Variants in ADAMTS17 observed in about 807,000 individuals in gnomAD.
ADAMTS17 encodes the protein ADAM metallopeptidase with thrombospondin type 1 motif 17, also known as A disintegrin and metalloproteinase with thrombospondin motifs 17.
Under a neutral mutation model 141.5 loss-of-function variants are expected in ADAMTS17, and 113 were observed. That is an observed-to-expected ratio of 0.80 (90% CI 0.69 to 0.93). The LOEUF is 0.93. ADAMTS17 is among the 40% of genes least tolerant of loss of function. ADAMTS17 has a pLI of 0.00. For synonymous variants in ADAMTS17, 768 were observed against 630.6 expected, an observed-to-expected ratio of 1.22 and a Z score of -3.27; for missense variants, 1,659 against 1,517.9, an observed-to-expected ratio of 1.09 and a Z score of -1.54.
intron 18 of ADAMTS17, among the ~76,000 whole-genome samples, chr15:100,009,441 G>C (rs1405498575): frequency 2.6e-5 from 4 of 152,104 alleles, no homozygotes; most frequent in Admixed American, 6.5e-5. Context: ...TTCTCAGAAG[G>C]ACCTGGACAG....
At chr15:100,202,112 C>T (rs982507293) in intron 7 of ADAMTS17, among the ~76,000 whole-genome samples, 5 of 152,134 alleles carry the variant, frequency 3.3e-5, no homozygotes, top group Admixed American at 2.6e-4. Context: ...TGAGTGTGCC[C>T]ACCACGGGCT....
intron 8 of ADAMTS17, among the ~76,000 whole-genome samples, chr15:100,166,882 C>G (rs958760893): frequency 6.6e-6 from 1 of 152,230 alleles, no homozygotes; most frequent in Non-Finnish European, 1.5e-5. Flanking sequence ...AGGCCCATAG[C>G]AGTGAGTGAC....
At chr15:100,250,002 T>C (rs1186214895) in intron 7 of ADAMTS17, among the ~76,000 whole-genome samples, 1 of 152,158 alleles carries the variant, frequency 6.6e-6, no homozygotes, top group East Asian at 1.9e-4. Flanking sequence ...CACAGCTGTG[T>C]GGAAGTACTG....
chr15:100,093,616 C>T (rs528779174), intron 15 of ADAMTS17, among the ~76,000 whole-genome samples: 1 of 152,068 alleles, frequency 6.6e-6, no homozygotes. Context: ...TGTCCTCCCC[C>T]TACCCCCACT....
chr15:100,082,929 T>C (rs900307626), intron 15 of ADAMTS17, among the ~76,000 whole-genome samples: 2 of 152,146 alleles, frequency 1.3e-5, no homozygotes, highest in Admixed American at 6.5e-5. Context: ...TGTTGCTGTG[T>C]TGGCAACCAA....
At chr15:100,133,791 G>A (rs2038182318) in intron 10 of ADAMTS17, among the ~76,000 whole-genome samples, 1 of 152,218 alleles carries the variant, frequency 6.6e-6, no homozygotes, top group South Asian at 2.1e-4. Flanking sequence ...GTGAGGCCAA[G>A]AAATGACAGC....
intron 14 of ADAMTS17, 122 bp downstream of exon 14, chr15:100,108,867 C>G (rs1352047896): frequency 1.3e-6 from 2 of 1,546,838 alleles, no homozygotes; most frequent in Non-Finnish European, 8.8e-7. Context: ...TCACTGGGTG[C>G]CTTCCTAAGA....
At chr15:100,138,783 C>A (rs765495836) in intron 10 of ADAMTS17, among the ~76,000 whole-genome samples, 1 of 152,150 alleles carries the variant, frequency 6.6e-6, no homozygotes, top group Non-Finnish European at 1.5e-5. Flanking sequence ...CACTTAGGGG[C>A]GGGAGGCAGT....
At chr15:99,984,308 C>T (rs2060540743) in intron 20 of ADAMTS17, among the ~76,000 whole-genome samples, 1 of 152,158 alleles carries the variant, frequency 6.6e-6, no homozygotes, top group African/African-American at 2.4e-5. Context: ...TGGAGCTGTT[C>T]CCTGTGGGTA....
intron 7 of ADAMTS17, among the ~76,000 whole-genome samples, chr15:100,212,345 G>A (rs985643166): frequency 2.0e-5 from 3 of 152,138 alleles, no homozygotes; most frequent in Admixed American, 6.5e-5. Context: ...CGTGCATAAC[G>A]CATTCCAGGG....
intron 7 of ADAMTS17, among the ~76,000 whole-genome samples, chr15:100,252,040 T>C (rs1267575286): frequency 1.3e-5 from 2 of 152,092 alleles, no homozygotes; most frequent in African/African-American, 4.8e-5. Context: ...AGCAAACCAA[T>C]AAAAAGTAGT....
At chr15:100,252,024 C>T (rs564059571) in intron 7 of ADAMTS17, among the ~76,000 whole-genome samples, 8 of 152,222 alleles carry the variant, frequency 5.3e-5, no homozygotes, top group Admixed American at 2.6e-4. Flanking sequence ...TTTGTTATGG[C>T]GCCCGAGCAA....
intron 7 of ADAMTS17, among the ~76,000 whole-genome samples, chr15:100,224,305 G>A (rs1373080260): frequency 3.3e-5 from 5 of 152,194 alleles, no homozygotes; most frequent in Non-Finnish European, 7.3e-5. Context: ...TCTAAGTGCA[G>A]TGAGTACAGG....
intron 7 of ADAMTS17, among the ~76,000 whole-genome samples, chr15:100,242,996 C>G (rs551397523): frequency 3.9e-5 from 6 of 152,234 alleles, no homozygotes; most frequent in Non-Finnish European, 8.8e-5. Flanking sequence ...CCGCGTTCCT[C>G]AGCTCCTGGC....
intron 4 of ADAMTS17, among the ~76,000 whole-genome samples, chr15:100,275,111 C>T (rs934304112): frequency 9.9e-5 from 15 of 152,152 alleles, no homozygotes; most frequent in Admixed American, 9.2e-4. Context: ...CAAAGAGGGA[C>T]CCTCTGAGGG....
chr15:100,242,544 C>G (rs1292104652), intron 7 of ADAMTS17, among the ~76,000 whole-genome samples: 1 of 152,170 alleles, frequency 6.6e-6, no homozygotes, highest in Non-Finnish European at 1.5e-5. Context: ...CATGCCCCCT[C>G]CTCTCTCCAT....
At chr15:100,089,921 T>A (rs991795117) in intron 15 of ADAMTS17, among the ~76,000 whole-genome samples, 3 of 151,590 alleles carry the variant, frequency 2.0e-5, no homozygotes, top group Non-Finnish European at 2.9e-5. Context: ...AAGATGGCAC[T>A]TGTATACATA....
At chr15:100,221,753 G>A (rs566050075) in intron 7 of ADAMTS17, among the ~76,000 whole-genome samples, 1 of 152,182 alleles carries the variant, frequency 6.6e-6, no homozygotes, top group East Asian at 1.9e-4. Context: ...TTGCCGGGTG[G>A]TCTGAGAGCT....
chr15:100,141,810 T>C (rs1417102264), intron 10 of ADAMTS17, among the ~76,000 whole-genome samples: 2 of 152,230 alleles, frequency 1.3e-5, no homozygotes, highest in South Asian at 2.1e-4. Flanking sequence ...ATTAGGACCA[T>C]CTGCTGCCAA....
Sources: gnomAD v4.1 joint callset for allele counts (sites outside exome capture counted in the v4.1 genomes callset) on GRCh38, gnomAD v4.1.1 for gene constraint, MANE v1.5 for transcripts, NCBI Gene and HGNC (gene_info 2026-07-23, HGNC 2026-07-21) for gene names.